NEU3: variants seen among roughly 807,000 people sequenced by gnomAD.
The protein encoded by NEU3 is sialidase-3.
In NEU3, 10 loss-of-function variants were observed where a neutral mutation model predicts 11.4. That is an observed-to-expected ratio of 0.88 (90% CI 0.54 to 1.49). The LOEUF is 1.49. Ranked by LOEUF, NEU3 falls within the 40% of genes most tolerant of loss-of-function variation. NEU3 has a pLI of 0.00. For missense variants in NEU3, 529 were observed against 581.8 expected, an observed-to-expected ratio of 0.91 and a Z score of 0.93; for synonymous variants, 212 against 228.2, an observed-to-expected ratio of 0.93 and a Z score of 0.64.
At chr11:74,981,961 G>T in the NEU3 span, among the ~76,000 whole-genome samples, 1 of 152,168 alleles carries the variant, frequency 6.6e-6, no homozygotes, top group African/African-American at 2.4e-5. Flanking sequence ...GAAACATGCT[G>T]CCCAGATTGT....
At chr11:74,991,081 G>A (rs1948727013) in intron 1 of NEU3, among the ~76,000 whole-genome samples, 1 of 152,200 alleles carries the variant, frequency 6.6e-6, no homozygotes, top group African/African-American at 2.4e-5. Context: ...GCATAGAGAA[G>A]TTGAATAACA....
At chr11:75,003,987 GA>G (rs1948872638) in intron 2 of NEU3, among the ~76,000 whole-genome samples, 1 of 152,048 alleles carries the variant, frequency 6.6e-6, no homozygotes, top group Non-Finnish European at 1.5e-5. Context: ...CTGTATTGAC[GA>G]ATATTTGAGT....
rs751858120 is a variant in NEU3, at chr11:75,004,929, TTTTCTTTC to T, written c.307-472_307-465del. On this transcript the variant is annotated intron_variant, in intron 2 of 2. Coordinates refer to ENST00000294064, the MANE Select transcript of NEU3 (RefSeq NM_006656.6). ...CTTTCTTTCCTTTCCTTTCTTTTTT[TTTTCTTTC>T]TTTCTTTCTTTGTAAAAATATTTAG... is the stretch of plus-strand genomic sequence containing the variant. 3.3e-5 allele frequency among the ~76,000 whole-genome samples: 5 copies of T among 152,206 alleles called. No homozygotes were observed. In the South Asian group the frequency reaches 1.0e-3, roughly 32 times the overall value.
In NEU3 at chr11:75,005,527, C is replaced by A. The variant is rs377057355; in HGVS notation, c.421C>A (p.Arg141=). The part of the protein sequence containing the change: ...GCVFLFFICV[R]GHVTERQQIV... ...TGTGTTCCTGTTCTTCATCTGTGTGCGGGGCCATGTCACAGAGCGTCAACA... is the reference window on the plus strand; with the variant it reads ...TGTGTTCCTGTTCTTCATCTGTGTGAGGGGCCATGTCACAGAGCGTCAACA... Residue 141 remains arginine, a synonymous_variant, in exon 3 of 3, where the codon CGG becomes AGG. Coordinates refer to ENST00000294064, the MANE Select transcript of NEU3 (RefSeq NM_006656.6). 3 of 1,613,832 alleles carry A rather than the reference C, an allele frequency of 1.9e-6. No homozygotes were observed. The East Asian group carries it at 6.7e-5, about 36-fold the overall frequency.
downstream of NEU3, among the ~76,000 whole-genome samples, chr11:75,015,517 G>C (rs1464366257): frequency 1.3e-5 from 2 of 152,126 alleles, no homozygotes; most frequent in African/African-American, 4.8e-5. Flanking sequence ...TGCCCCTCAA[G>C]CTTCCCCCTC....
At chr11:74,992,210 C>A (rs1340695469) in intron 1 of NEU3, among the ~76,000 whole-genome samples, 2 of 152,216 alleles carry the variant, frequency 1.3e-5, no homozygotes. Context: ...AAATCCTTCT[C>A]TGGTGCCTTG....
intron 2 of NEU3, among the ~76,000 whole-genome samples, chr11:74,997,280 T>G (rs60245702): frequency 0.019 from 2,878 of 152,310 alleles, 87 homozygotes; most frequent in African/African-American, 0.066. Flanking sequence ...ACCTTGCCCT[T>G]TTAAGTTACG....
upstream of NEU3, among the ~76,000 whole-genome samples, chr11:74,986,378 A>G (rs138033599): frequency 6.2e-3 from 939 of 152,336 alleles, 31 homozygotes; most frequent in Non-Finnish European, 2.1e-3. Flanking sequence ...TTTCCTCTAA[A>G]GCGACTGTAC....
chr11:74,984,332 C>T (rs1948654474), upstream of NEU3, among the ~76,000 whole-genome samples: 2 of 152,328 alleles, frequency 1.3e-5, no homozygotes, highest in East Asian at 3.9e-4. Flanking sequence ...TTCAGGTTCC[C>T]TAACCTCAAA....
At position 74,994,669 on chromosome 11, in the gene NEU3, T is replaced by G. The variant is rs767600414; in HGVS notation, c.255T>G (p.Asp85Glu). Residue 85 changes from aspartate to glutamate, a missense_variant, in exon 2 of 3, where the codon GAT (aspartate) becomes GAG (glutamate). Physicochemically the swap from Asp to Glu is conservative, Grantham distance 45. Coordinates refer to ENST00000294064, the MANE Select transcript of NEU3 (RefSeq NM_006656.6). ...AGCGTTCTACGAGGAGAGATGAGGATGCTCTCCACCTGGTGCTGAGGCGAG... is the reference window on the plus strand; with the variant it reads ...AGCGTTCTACGAGGAGAGATGAGGAGGCTCTCCACCTGGTGCTGAGGCGAG... ...AEKRSTRRDE[D>E]ALHLVLRRGL... 1 of 1,613,996 alleles carries G rather than the reference T, an allele frequency of 6.2e-7. No individual in the cohort carries two copies. The highest frequency in any genetic ancestry group is 1.1e-5 in the South Asian group (1 of 91,084).
At chr11:74,987,779 C>T (rs374690514), upstream of NEU3, among the ~76,000 whole-genome samples, 1 of 151,948 alleles carries the variant, frequency 6.6e-6, no homozygotes, top group African/African-American at 2.4e-5. Context: ...CGCCACTGCA[C>T]TCCAGCCTGG....
In NEU3 at chr11:74,994,657, G is replaced by A; in HGVS notation, c.243G>A (p.Arg81=). 6.2e-7 allele frequency: 1 copy of A among 1,614,028 alleles called. No homozygotes were observed. Among genetic ancestry groups the A allele is most frequent in the Non-Finnish European group, 8.5e-7 (1 of 1,179,900 alleles). The change falls in exon 2 of 3, where the codon AGG becomes AGA. Residue 81 remains arginine (R), a synonymous_variant. Transcript: ENST00000294064. Reference sequence around the variant, plus strand: ...CCTTTGCAGAGAAGCGTTCTACGAGGAGAGATGAGGATGCTCTCCACCTGG... The same window carrying A: ...CCTTTGCAGAGAAGCGTTCTACGAGAAGAGATGAGGATGCTCTCCACCTGG... The part of the protein sequence containing the change: ...FLAFAEKRST[R]RDEDALHLVL...
intron 2 of NEU3, chr11:75,004,330 G>T: frequency 1.5e-6 from 1 of 669,766 alleles, no homozygotes; most frequent in South Asian, 1.6e-5. Context: ...ATGTTGCCCA[G>T]ACTGGTCTCA....
upstream of NEU3, among the ~76,000 whole-genome samples, chr11:74,985,547 T>G (rs1460365423): frequency 6.8e-6 from 1 of 147,998 alleles, no homozygotes; most frequent in Non-Finnish European, 1.5e-5. Flanking sequence ...TTATATGTGG[T>G]TTTTGATTGA....
upstream of NEU3, among the ~76,000 whole-genome samples, chr11:74,983,548 C>G (rs1277116190): frequency 6.6e-6 from 1 of 152,218 alleles, no homozygotes; most frequent in African/African-American, 2.4e-5. Flanking sequence ...CTTGAGGAAA[C>G]AACAGCGGCC....
chr11:75,005,331 A>T (rs1224324479), intron 2 of NEU3, 82 bp from the exon 3 acceptor site: 1 of 1,340,708 alleles, frequency 7.5e-7, no homozygotes, highest in Non-Finnish European at 1.0e-6. Flanking sequence ...TTTCTTATTT[A>T]TGAAAAATAC....
chr11:74,987,433 C>T (rs1007426803), upstream of NEU3, among the ~76,000 whole-genome samples: 4 of 152,104 alleles, frequency 2.6e-5, no homozygotes, highest in Non-Finnish European at 5.9e-5. Context: ...ATGTTCTAGG[C>T]TAATCTTATA....
chr11:74,988,970 T>A lies in NEU3; in HGVS notation c.-91T>A. ...CTTCGCTTCTCGGGGCTTGTCTCCG[T>A]GTCCTCCGTCTCAGTTGTTTCTCCC... On this transcript the variant is annotated 5_prime_UTR_variant, in exon 1 of 3. Transcript: ENST00000294064. The A allele has an allele frequency of 1.0e-6, 1 of 964,156 alleles. No individual in the cohort carries two copies. The highest frequency in any genetic ancestry group is 2.5e-5 in the Admixed American group (1 of 40,490). The allele number at this position is 964,156 out of a possible 1,614,324, so 59.7% of individuals were successfully genotyped here.
intron 2 of NEU3, among the ~76,000 whole-genome samples, chr11:74,999,799 G>A (rs578090): frequency 0.97 from 147,567 of 152,324 alleles, 71,533 homozygotes; most frequent in African/African-American, 0.99. Context: ...GGGGCAGTCA[G>A]TCTATACAAA....
Sources: allele counts gnomAD v4.1 joint callset (sites outside exome capture counted in the v4.1 genomes callset), GRCh38; gene constraint gnomAD v4.1.1; transcripts MANE v1.5; gene names NCBI Gene and HGNC (gene_info 2026-07-23, HGNC 2026-07-21).